The following SARS1 variants were observed in gnomAD, a reference collection of about 807,000 sequenced individuals.
SARS1 encodes the protein serine--tRNA ligase, cytoplasmic.
A neutral mutation model predicts 63.7 loss-of-function variants in SARS1; 25 were observed. The observed-to-expected ratio is 0.39, with a 90% confidence interval of 0.29 to 0.55. The LOEUF is 0.55. SARS1 is among the 20% of genes least tolerant of loss of function. The pLI, the probability that SARS1 is intolerant of heterozygous loss-of-function variation, is 0.62. For synonymous variants in SARS1, 231 were observed against 243.5 expected (o/e 0.95, Z 0.48); for missense variants, 417 against 649.7 (o/e 0.64, Z 3.89).
At chr1:109,231,926 G>GTGGGTGGT in intron 6 of SARS1, 140 bp downstream of exon 6, 1 of 669,488 alleles carries the variant, frequency 1.5e-6, no homozygotes, top group Non-Finnish European at 2.2e-6. Flanking sequence ...CACTTAAAAT[G>GTGGGTGGT]TGGGTGGTGC....
Position 109,227,844 on chromosome 1 carries a change from G to A in SARS1, c.208-508G>A, listed in dbSNP as rs182364241. ...TGAGGCAGGAGAATCACTTGAAACC[G>A]GAAGGCGGAGCTTGCAGTGAGCCCA... On this transcript the variant is annotated intron_variant, in intron 2 of 10. Transcript: ENST00000234677. 1.1e-4 allele frequency among the ~76,000 whole-genome samples: 17 copies of A among 151,480 alleles called. No individual in the cohort carries two copies. The East Asian group carries it at 2.7e-3, about 24-fold the overall frequency.
At position 109,237,023 on chromosome 1, in the gene SARS1, T is replaced by C. The variant is rs41279696; in HGVS notation, c.1258-221T>C. The C allele has an allele frequency of 1.6e-6, 2 of 1,268,320 alleles. No individual in the cohort carries two copies. Among genetic ancestry groups the C allele is most frequent in the Non-Finnish European group, 2.1e-6 (2 of 936,750 alleles). 78.6% of individuals were successfully genotyped at this position (1,268,320 alleles called of 1,614,324 possible). On this transcript the variant is annotated intron_variant, in intron 9 of 10. Coordinates refer to ENST00000234677, the MANE Select transcript of SARS1 (RefSeq NM_006513.4). This position sits in a 1 kb window ranked among gnomAD's most constrained non-coding sequence, Gnocchi z 4.1. ...CTCTCAGAATACCAGAAGCTACCAC[T>C]TGTCACTCATCGAAACATGAGGGAT...
At chr1:109,222,697 C>T (rs1322492671) in intron 1 of SARS1, among the ~76,000 whole-genome samples, 1 of 152,112 alleles carries the variant, frequency 6.6e-6, no homozygotes, top group African/African-American at 2.4e-5. Context: ...TATTTCTAGT[C>T]ATCAATTTTG....
intron 2 of SARS1, among the ~76,000 whole-genome samples, chr1:109,224,805 T>G (rs989649378): frequency 2.0e-5 from 3 of 152,036 alleles, no homozygotes; most frequent in Admixed American, 2.0e-4. Context: ...CATATTACAT[T>G]ACATATTATA....
At chr1:109,227,780 G>C (rs976391916) in intron 2 of SARS1, among the ~76,000 whole-genome samples, 5 of 151,708 alleles carry the variant, frequency 3.3e-5, no homozygotes, top group African/African-American at 9.7e-5. Context: ...TTAGCCAGAC[G>C]TGGTGGTGCA....
rs369111303 is a variant in SARS1, at chr1:109,215,775, G to A, written c.136+1647G>A. 18 of 523,056 alleles carry A rather than the reference G, an allele frequency of 3.4e-5. 1 individual carries two copies. The highest frequency in any genetic ancestry group is 3.7e-5 in the Non-Finnish European group (15 of 408,068). The allele number at this position is 523,056 out of a possible 1,614,324, so 32.4% of individuals were successfully genotyped here. A position where few individuals can be genotyped will look rare whatever the true frequency, so the allele number is the denominator to read the frequency against. On this transcript the variant is annotated intron_variant, in intron 1 of 10. Coordinates refer to ENST00000234677, the MANE Select transcript of SARS1 (RefSeq NM_006513.4). ...GATTGGAGTGCAGTGGCACCATCTC[G>A]GCTCACTGCAACCTCCATCTCCCGG...
At chr1:109,221,914 A>T (rs1298488307) in intron 1 of SARS1, among the ~76,000 whole-genome samples, 1 of 137,400 alleles carries the variant, frequency 7.3e-6, no homozygotes, top group Non-Finnish European at 1.5e-5. Flanking sequence ...CTGCCTCCCA[A>T]GTAGCTGGGA....
rs55712540 is a variant in SARS1, at chr1:109,235,117, C to T, written c.748-93C>T. ...AGGCAGGGATTAAAGGAAATTTTTC[C>T]TGCACTATTATTGATCTCTTTCTTG... On this transcript the variant is annotated intron_variant, in intron 6 of 10. Coordinates refer to ENST00000234677, the MANE Select transcript of SARS1 (RefSeq NM_006513.4). This position sits in a 1 kb window ranked among gnomAD's most constrained non-coding sequence, Gnocchi z 4.7. 7.8e-3 allele frequency: 7,848 copies of T among 1,010,360 alleles called. 328 individuals carry two copies. In the African/African-American group the frequency reaches 0.1, roughly 13 times the overall value. 62.6% of individuals were successfully genotyped at this position (1,010,360 alleles called of 1,614,324 possible).
At position 109,235,778 on chromosome 1, in the gene SARS1, C is replaced by A. The variant is rs1655293741; in HGVS notation, c.970-199C>A. Among the ~76,000 whole-genome samples the A allele has an allele frequency of 6.6e-6, 1 of 152,192 alleles. No homozygotes were observed. Among genetic ancestry groups the A allele is most frequent in the Non-Finnish European group, 1.5e-5 (1 of 68,032 alleles). On this transcript the variant is annotated intron_variant, in intron 7 of 10. Coordinates refer to ENST00000234677, the MANE Select transcript of SARS1 (RefSeq NM_006513.4). The surrounding 1 kb of genome is among the most constrained non-coding windows in gnomAD (Gnocchi z 4.7). ...TCCCAGTCACTATATGTAAAGCACT[C>A]AGAACAGGGGCTGGCATGCATACGG...
At chr1:109,233,045 C>A (rs1324763686) in intron 6 of SARS1, among the ~76,000 whole-genome samples, 1 of 152,194 alleles carries the variant, frequency 6.6e-6, no homozygotes, top group Non-Finnish European at 1.5e-5. Flanking sequence ...ATAGAACTTT[C>A]TGCACTGATG....
chr1:109,222,829 G>A (rs1175209919), intron 1 of SARS1, among the ~76,000 whole-genome samples: 1 of 152,114 alleles, frequency 6.6e-6, no homozygotes, highest in Non-Finnish European at 1.5e-5. Flanking sequence ...GGGCAACACA[G>A]CAAAACTCCA....
Position 109,235,185 on chromosome 1 carries a change from C to T in SARS1, c.748-25C>T, listed in dbSNP as rs777313469. 6.3e-7 allele frequency: 1 copy of T among 1,579,122 alleles called. No homozygotes were observed. The highest frequency in any genetic ancestry group is 1.1e-5 in the South Asian group (1 of 90,344). On this transcript the variant is annotated intron_variant, in intron 6 of 10. Transcript: ENST00000234677. This position sits in a 1 kb window ranked among gnomAD's most constrained non-coding sequence, Gnocchi z 4.7. ...CAAGGTCCTCCCCACTTCCTCTTAA[C>T]TGGTATAGCTCCTTCCTTCCACAGG...
rs1655195209 is a variant in SARS1, at chr1:109,230,878, G to A, written c.448G>A (p.Asp150Asn). Residue 150 changes from aspartate to asparagine, a missense_variant and splice_region_variant, in exon 5 of 11, where the codon GAT (aspartate) becomes AAT (asparagine). Coordinates refer to ENST00000234677, the MANE Select transcript of SARS1 (RefSeq NM_006513.4). ...TCTCTTTCTTGCTCTGTTTCCTTAG[G>A]ATGTGGACAACAAAGTAGAGAGGAT... ...HPSVPISNDE[D>N]VDNKVERIWG... The A allele has an allele frequency of 1.2e-6, 2 of 1,600,656 alleles. No homozygotes were observed. Among genetic ancestry groups the A allele is most frequent in the African/African-American group, 1.4e-5 (1 of 73,934 alleles).
intron 1 of SARS1, among the ~76,000 whole-genome samples, chr1:109,221,603 A>G (rs1654930258): frequency 6.6e-6 from 1 of 152,186 alleles, no homozygotes. Context: ...ACTGGATACA[A>G]TACACAGAAT....
chr1:109,213,903 G>A (rs1216444199), upstream of SARS1: 1 of 1,462,372 alleles, frequency 6.8e-7, no homozygotes, highest in South Asian at 1.4e-5. Flanking sequence ...AGGAAGGGCG[G>A]GTCAGCGCGC....
upstream of SARS1, chr1:109,213,917 C>A: frequency 6.7e-7 from 1 of 1,484,938 alleles, no homozygotes; most frequent in South Asian, 1.4e-5. Flanking sequence ...AGCGCGCCGG[C>A]GCAGTGCGGC....
chr1:109,237,059 T>C lies in SARS1; in HGVS notation c.1258-185T>C. 1.6e-6 allele frequency: 2 copies of C among 1,215,408 alleles called. No homozygotes were observed. Among genetic ancestry groups the C allele is most frequent in the Non-Finnish European group, 1.1e-6 (1 of 890,902 alleles). The allele number at this position is 1,215,408 out of a possible 1,614,324, so 75.3% of individuals were successfully genotyped here. On this transcript the variant is annotated intron_variant, in intron 9 of 10. Transcript: ENST00000234677. This position sits in a 1 kb window ranked among gnomAD's most constrained non-coding sequence, Gnocchi z 4.1. ...CGAAACATGAGGGATCTTTCTGCAGTTATCTAATAGGCAATAAATACCAAA... is the reference window on the plus strand; with the variant it reads ...CGAAACATGAGGGATCTTTCTGCAGCTATCTAATAGGCAATAAATACCAAA...
At chr1:109,221,981 TA>T (rs1654940025) in intron 1 of SARS1, among the ~76,000 whole-genome samples, 1 of 5,458 alleles carries the variant, frequency 1.8e-4, no homozygotes, top group African/African-American at 5.2e-4. Context: ...TATATATATA[TA>T]TATATATATA....
intron 1 of SARS1, chr1:109,216,212 G>C (rs1047781733): frequency 1.0e-6 from 1 of 985,214 alleles, no homozygotes; most frequent in Non-Finnish European, 1.2e-6. Context: ...CTTGAGCAAG[G>C]GCTTATAACC....
Sources: allele counts gnomAD v4.1 joint callset (sites outside exome capture counted in the v4.1 genomes callset), GRCh38; gene constraint gnomAD v4.1.1; non-coding constraint Gnocchi (gnomAD v3.1); transcripts MANE v1.5; gene names NCBI Gene and HGNC (gene_info 2026-07-23, HGNC 2026-07-21).